The following LSAMP variants were observed in gnomAD, a reference collection of about 807,000 sequenced individuals.
LSAMP encodes limbic system associated membrane protein.
LSAMP carries 7 observed loss-of-function variants against 38.6 expected under a neutral mutation model. The ratio of observed to expected loss-of-function variants is 0.18; its 90% confidence interval spans 0.10 to 0.34. The LOEUF (loss-of-function observed/expected upper bound fraction) is 0.34. Among genes scored for constraint, LSAMP ranks in the 10% least tolerant of loss-of-function variants. The probability of loss-of-function intolerance (pLI) is 1.00; values close to 1 mark genes in which losing one functional copy is unlikely to be tolerated. For synonymous variants in LSAMP, 154 were observed against 166.8 expected, an observed-to-expected ratio of 0.92 and a Z score of 0.59; for missense variants, 313 against 420.0, an observed-to-expected ratio of 0.75 and a Z score of 2.23.
intron 2 of LSAMP, among the ~76,000 whole-genome samples, chr3:116,039,216 A>C (rs1380549625): frequency 6.6e-6 from 1 of 152,246 alleles, no homozygotes; most frequent in Non-Finnish European, 1.5e-5. Context: ...TCACATAAGC[A>C]AATCTACATT....
chr3:116,394,747 T>C (rs1332741604), intron 1 of LSAMP, among the ~76,000 whole-genome samples: 1 of 152,202 alleles, frequency 6.6e-6, no homozygotes, highest in Non-Finnish European at 1.5e-5. Context: ...GCTTCCTCAA[T>C]TTATTGAACT....
intron 1 of LSAMP, among the ~76,000 whole-genome samples, chr3:116,313,905 GATCACACC>G (rs1272987710): frequency 6.6e-6 from 1 of 151,882 alleles, no homozygotes; most frequent in African/African-American, 2.4e-5. Flanking sequence ...AGTGAGCCGA[GATCACACC>G]ATTGCACTCC....
At chr3:116,052,863 A>C (rs1018518240) in intron 2 of LSAMP, among the ~76,000 whole-genome samples, 8 of 152,180 alleles carry the variant, frequency 5.3e-5, no homozygotes, top group African/African-American at 1.9e-4. Context: ...GGACTCTCTA[A>C]CCTGGTGCAG....
chr3:116,026,713 T>G (rs1407737628), intron 2 of LSAMP, among the ~76,000 whole-genome samples: 5 of 152,232 alleles, frequency 3.3e-5, no homozygotes, highest in Admixed American at 2.6e-4. Context: ...GTTGGCAGAC[T>G]GTGTTAATGG....
At chr3:115,981,347 A>C (rs928645283) in intron 3 of LSAMP, among the ~76,000 whole-genome samples, 1 of 152,122 alleles carries the variant, frequency 6.6e-6, no homozygotes, top group African/African-American at 2.4e-5. Flanking sequence ...TTTGCAATGA[A>C]AGCAACAGGT....
intron 2 of LSAMP, among the ~76,000 whole-genome samples, chr3:116,053,300 G>C (rs1481355228): frequency 2.0e-5 from 3 of 152,164 alleles, no homozygotes; most frequent in Admixed American, 2.0e-4. Flanking sequence ...TGAGCTTCTA[G>C]CTCAAGGTAC....
chr3:116,072,208 C>T (rs1330437672), intron 2 of LSAMP, among the ~76,000 whole-genome samples: 4 of 152,028 alleles, frequency 2.6e-5, no homozygotes, highest in Non-Finnish European at 5.9e-5. Context: ...ATCTCTTGAC[C>T]TTGTGATCCA....
intron 1 of LSAMP, among the ~76,000 whole-genome samples, chr3:116,423,559 A>G (rs2049157797): frequency 6.6e-6 from 1 of 152,142 alleles, no homozygotes; most frequent in South Asian, 2.1e-4. Context: ...CCCACCTCCT[A>G]AACTCCTTTG....
intron 1 of LSAMP, among the ~76,000 whole-genome samples, chr3:116,303,720 C>T (rs945592721): frequency 3.3e-5 from 5 of 152,110 alleles, no homozygotes; most frequent in Non-Finnish European, 7.3e-5. Context: ...AGTCACTAAC[C>T]CTGCGAGCGA....
At chr3:116,114,597 T>A (rs1708701808) in intron 1 of LSAMP, among the ~76,000 whole-genome samples, 1 of 152,178 alleles carries the variant, frequency 6.6e-6, no homozygotes, top group East Asian at 1.9e-4. Flanking sequence ...ACCAGACACT[T>A]AAGAAAGCAG....
intron 1 of LSAMP, among the ~76,000 whole-genome samples, chr3:116,381,257 G>A (rs2048554631): frequency 6.6e-6 from 1 of 151,990 alleles, no homozygotes; most frequent in South Asian, 2.1e-4. Context: ...TCATTAGACT[G>A]TCCAATGAAA....
chr3:115,920,655 T>A (rs1937360824), intron 3 of LSAMP, among the ~76,000 whole-genome samples: 1 of 152,162 alleles, frequency 6.6e-6, no homozygotes, highest in Non-Finnish European at 1.5e-5. Context: ...TTGAAAAGAA[T>A]GTGTATTCTG....
intron 1 of LSAMP, among the ~76,000 whole-genome samples, chr3:116,154,794 A>T (rs1201665523): frequency 6.6e-6 from 1 of 152,128 alleles, no homozygotes; most frequent in East Asian, 1.9e-4. Context: ...AATATGAGAC[A>T]ATTCTTTTGG....
At chr3:115,895,072 C>T (rs761858083) in intron 3 of LSAMP, among the ~76,000 whole-genome samples, 3 of 152,092 alleles carry the variant, frequency 2.0e-5, no homozygotes, top group South Asian at 2.1e-4. Flanking sequence ...TGTTTATTCA[C>T]GGCCTGTTAA....
chr3:115,829,874 A>G (rs915458796), intron 6 of LSAMP, among the ~76,000 whole-genome samples: 1 of 152,230 alleles, frequency 6.6e-6, no homozygotes, highest in African/African-American at 2.4e-5. Context: ...TTGAACTTAT[A>G]TCTAGCTGAT....
At chr3:115,824,854 G>A (rs1459387873) in intron 6 of LSAMP, among the ~76,000 whole-genome samples, 1 of 151,830 alleles carries the variant, frequency 6.6e-6, no homozygotes, top group African/African-American at 2.4e-5. Flanking sequence ...AAAGCCTTTT[G>A]TACTTTCATT....
intron 3 of LSAMP, among the ~76,000 whole-genome samples, chr3:116,010,918 A>T (rs1940305372): frequency 6.6e-6 from 1 of 152,214 alleles, no homozygotes; most frequent in Admixed American, 6.5e-5. Context: ...TTTAGAATGA[A>T]ATCCTTAATT....
At chr3:116,225,207 G>A (rs149771556) in intron 1 of LSAMP, among the ~76,000 whole-genome samples, 3 of 152,292 alleles carry the variant, frequency 2.0e-5, no homozygotes. Flanking sequence ...TAAGAATCTT[G>A]AGACGAGATC....
intron 1 of LSAMP, among the ~76,000 whole-genome samples, chr3:116,434,945 G>A (rs2049328631): frequency 6.6e-6 from 1 of 152,148 alleles, no homozygotes; most frequent in Non-Finnish European, 1.5e-5. Flanking sequence ...GGTCATCTCA[G>A]GTCCTTCATT....
Sources: allele counts gnomAD v4.1 joint callset (sites outside exome capture counted in the v4.1 genomes callset), GRCh38; gene constraint gnomAD v4.1.1; transcripts MANE v1.5; gene names NCBI Gene and HGNC (gene_info 2026-07-23, HGNC 2026-07-21).